ZNF679: variants seen among roughly 807,000 people sequenced by gnomAD.
ZNF679 encodes the protein zinc finger protein 679, also known as hypothetical protein MGC42415.
A neutral mutation model predicts 13.4 loss-of-function variants in ZNF679; 10 were observed. The observed-to-expected ratio is 0.75, with a 90% CI of 0.46 to 1.27. The LOEUF (loss-of-function observed/expected upper bound fraction) is 1.27. ZNF679 is among the 50% of genes most tolerant of loss of function. The pLI, the probability that ZNF679 is intolerant of heterozygous loss-of-function variation, is 0.00. For synonymous variants in ZNF679, 179 were observed against 162.5 expected, an observed-to-expected ratio of 1.10 and a Z score of -0.77; for missense variants, 525 against 477.8, an observed-to-expected ratio of 1.10 and a Z score of -0.92.
chr7:64,252,245 A>G (rs182146280), intron 2 of ZNF679, among the ~76,000 whole-genome samples: 17 of 152,310 alleles, frequency 1.1e-4, no homozygotes, highest in East Asian at 5.8e-4. Context: ...CTGTGTTCCA[A>G]TCAGCACTGC....
chr7:64,248,966 C>T, intron 1 of ZNF679, 62 bp from the exon 2 acceptor site: 1 of 1,105,976 alleles, frequency 9.0e-7, no homozygotes, highest in Non-Finnish European at 1.3e-6. Context: ...ATCAGGCATG[C>T]AGCTGGAGAG....
At chr7:64,233,412 G>A (rs1787667822) in intron 1 of ZNF679, among the ~76,000 whole-genome samples, 1 of 152,090 alleles carries the variant, frequency 6.6e-6, no homozygotes, top group Non-Finnish European at 1.5e-5. Context: ...GATTGCTTGA[G>A]TCTGGGAGGT....
intron 4 of ZNF679, among the ~76,000 whole-genome samples, chr7:64,262,665 C>T (rs1788093818): frequency 6.6e-6 from 1 of 152,100 alleles, no homozygotes; most frequent in South Asian, 2.1e-4. Context: ...TTTGCTCTAT[C>T]ATGTCCTTAT....
chr7:64,247,351 C>T (rs1377703830), intron 1 of ZNF679, among the ~76,000 whole-genome samples: 8 of 152,174 alleles, frequency 5.3e-5, no homozygotes, highest in South Asian at 4.1e-4. Context: ...CTGGTTCAAA[C>T]GCCTCTGACA....
At chr7:64,249,735 A>C (rs2116530233) in intron 2 of ZNF679, among the ~76,000 whole-genome samples, 1 of 152,312 alleles carries the variant, frequency 6.6e-6, no homozygotes, top group African/African-American at 2.4e-5. Context: ...TCGTTTCCTT[A>C]TTTGTAAGAT....
chr7:64,229,218 A>T (rs1027913481), intron 1 of ZNF679, among the ~76,000 whole-genome samples: 2 of 152,114 alleles, frequency 1.3e-5, no homozygotes, highest in African/African-American at 4.8e-5. Flanking sequence ...GAGAGTGTCA[A>T]CACAGCCCAA....
At chr7:64,246,949 G>A (rs1396208202) in intron 1 of ZNF679, among the ~76,000 whole-genome samples, 1 of 152,250 alleles carries the variant, frequency 6.6e-6, no homozygotes, top group East Asian at 1.9e-4. Flanking sequence ...AACAAGGGGT[G>A]GATTGTTCAT....
chr7:64,231,401 C>T (rs953606013), intron 1 of ZNF679, among the ~76,000 whole-genome samples: 1 of 152,158 alleles, frequency 6.6e-6, no homozygotes, highest in South Asian at 2.1e-4. Flanking sequence ...CAACTGGGAT[C>T]TTGGCTCAGT....
At chr7:64,246,681 C>T (rs536880737) in intron 1 of ZNF679, among the ~76,000 whole-genome samples, 282 of 151,764 alleles carry the variant, frequency 1.9e-3, no homozygotes, top group African/African-American at 6.1e-3. Context: ...CGAGATGGTG[C>T]CACTGCACTC....
At chr7:64,261,223 A>G (rs761436163) in intron 4 of ZNF679, among the ~76,000 whole-genome samples, 50 of 152,238 alleles carry the variant, frequency 3.3e-4, no homozygotes, top group Non-Finnish European at 4.9e-4. Context: ...TTTTGGGGGC[A>G]TGCTAATATC....
At chr7:64,238,128 A>C (rs1219770204) in intron 1 of ZNF679, among the ~76,000 whole-genome samples, 1 of 152,122 alleles carries the variant, frequency 6.6e-6, no homozygotes, top group Non-Finnish European at 1.5e-5. Flanking sequence ...AACTTTGCTT[A>C]AGTTTTTATC....
intron 2 of ZNF679, among the ~76,000 whole-genome samples, chr7:64,254,727 T>C (rs2115576424): frequency 6.6e-6 from 1 of 152,214 alleles, no homozygotes; most frequent in Non-Finnish European, 1.5e-5. Flanking sequence ...CTCTGAATTA[T>C]GGTCTGTGCT....
rs147468001 is a variant in ZNF679, at chr7:64,244,036, G to A, written c.-90-4992G>A. Among the ~76,000 whole-genome samples the A allele has an allele frequency of 1.2e-4, 19 of 152,226 alleles. No individual in the cohort carries two copies. The East Asian group carries it at 3.7e-3, about 29-fold the overall frequency. ...GCAGTCTGAGGCGGGCAGATCATGAGGTCAGGAGTTCCAAGACAGCCTGAC... is the reference window on the plus strand; with the variant it reads ...GCAGTCTGAGGCGGGCAGATCATGAAGTCAGGAGTTCCAAGACAGCCTGAC... On this transcript the variant is annotated intron_variant, in intron 1 of 4. Transcript: ENST00000421025.
chr7:64,256,744 C>A (rs1456937102), intron 2 of ZNF679, among the ~76,000 whole-genome samples: 6 of 147,960 alleles, frequency 4.1e-5, no homozygotes, highest in African/African-American at 1.5e-4. Context: ...TTCGCCCAGG[C>A]TGGAGTGCAG....
intron 2 of ZNF679, among the ~76,000 whole-genome samples, chr7:64,249,853 T>A (rs1309319563): frequency 6.6e-6 from 1 of 152,130 alleles, no homozygotes; most frequent in Non-Finnish European, 1.5e-5. Context: ...AATGCAATAT[T>A]TTTTTTGAGA....
intron 1 of ZNF679, among the ~76,000 whole-genome samples, chr7:64,244,962 A>AACATAAAACAAGAG (rs1787846990): frequency 6.6e-6 from 1 of 152,228 alleles, no homozygotes; most frequent in South Asian, 2.1e-4. Context: ...AGCTCTCAAG[A>AACATAAAACAAGAG]ACATAAAACA....
chr7:64,266,201 G>A lies in ZNF679; in HGVS notation c.568G>A (p.Gly190Ser), dbSNP rs1460622373. 2 of 1,584,416 alleles carry A rather than the reference G, an allele frequency of 1.3e-6. No homozygotes were observed. The highest frequency in any genetic ancestry group is 1.4e-5 in the African/African-American group (1 of 74,052). ...GKKHFKCKKY[G>S]KSFCMVSQLH... ...GAAACATTTCAAATGTAAAAAATAT[G>A]GCAAATCATTTTGCATGGTTTCACA... Residue 190 changes from glycine to serine, a missense_variant, in exon 5 of 5, where the codon GGC becomes AGC. Coordinates refer to ENST00000421025, the MANE Select transcript of ZNF679 (RefSeq NM_153363.3).
intron 1 of ZNF679, among the ~76,000 whole-genome samples, chr7:64,244,549 T>C (rs1441425692): frequency 6.6e-6 from 1 of 152,056 alleles, no homozygotes; most frequent in Non-Finnish European, 1.5e-5. Flanking sequence ...TAACCACAAG[T>C]GTACAAAGTA....
At chr7:64,229,277 G>A (rs1787603891) in intron 1 of ZNF679, among the ~76,000 whole-genome samples, 3 of 152,296 alleles carry the variant, frequency 2.0e-5, no homozygotes, top group East Asian at 3.9e-4. Context: ...ACGCATGAGT[G>A]TTGTGATTTT....
Sources: gnomAD v4.1 joint callset for allele counts (sites outside exome capture counted in the v4.1 genomes callset) on GRCh38, gnomAD v4.1.1 for gene constraint, MANE v1.5 for transcripts, NCBI Gene and HGNC (gene_info 2026-07-23, HGNC 2026-07-21) for gene names.